The following MPP7 variants were observed in gnomAD, a reference collection of about 807,000 sequenced individuals.
The protein encoded by MPP7 is MAGUK p55 scaffold protein 7.
MPP7 carries 60 observed loss-of-function variants against 76.5 expected under a neutral mutation model. That is an observed-to-expected ratio of 0.78 (90% CI 0.64 to 0.97). The LOEUF (loss-of-function observed/expected upper bound fraction) is 0.97. MPP7 is among the 50% of genes least tolerant of loss of function. The pLI is 0.00. For synonymous variants in MPP7, 237 were observed against 244.5 expected (o/e 0.97, Z 0.29); for missense variants, 641 against 694.0 (o/e 0.92, Z 0.86).
chr10:28,172,954 G>A (rs1836733788), intron 3 of MPP7, among the ~76,000 whole-genome samples: 1 of 152,094 alleles, frequency 6.6e-6, no homozygotes, highest in Admixed American at 6.6e-5. Flanking sequence ...TGCTTCATGT[G>A]GACTGACCCC....
At chr10:28,284,710 A>C (rs1160363237) in intron 1 of MPP7, among the ~76,000 whole-genome samples, 2 of 152,248 alleles carry the variant, frequency 1.3e-5, no homozygotes, top group African/African-American at 2.4e-5. Context: ...CCATGGAATG[A>C]TTGTAACAAA....
chr10:28,136,533 T>C (rs1214672936), intron 5 of MPP7, among the ~76,000 whole-genome samples: 1 of 152,068 alleles, frequency 6.6e-6, no homozygotes, highest in Non-Finnish European at 1.5e-5. Flanking sequence ...ATTACACAGA[T>C]GATAAACTGG....
intron 4 of MPP7, among the ~76,000 whole-genome samples, chr10:28,149,472 A>T (rs1189220806): frequency 6.6e-6 from 1 of 152,220 alleles, no homozygotes; most frequent in African/African-American, 2.4e-5. Context: ...TTTTTTGGTT[A>T]TGAAGGTAAT....
Position 28,057,816 on chromosome 10 carries a change from G to T in MPP7, c.1407+679C>A, listed in dbSNP as rs575796796. ...GCATTTGGAGGTTTTGCACCCCAGG[G>T]TACAGCCATCAGTGGAAGGAGAAAC... On this transcript the variant is annotated intron_variant, in intron 15 of 16. Transcript: ENST00000683449. 12 of 1,280,320 alleles carry T rather than the reference G, an allele frequency of 9.4e-6. No homozygotes were observed. In the South Asian group the frequency reaches 1.1e-4, roughly 12 times the overall value. The allele number at this position is 1,280,320 out of a possible 1,614,324, so 79.3% of individuals were successfully genotyped here. A position where few individuals can be genotyped will look rare whatever the true frequency, so the allele number is the denominator to read the frequency against.
At chr10:28,319,916 C>T (rs1430713117) in intron 2 of MPP7, among the ~76,000 whole-genome samples, 3 of 151,992 alleles carry the variant, frequency 2.0e-5, no homozygotes, top group Non-Finnish European at 4.4e-5. Context: ...GCAGAAGTTG[C>T]AGTGGGCTGA....
chr10:28,287,464 A>G (rs762597899), intron 1 of MPP7, among the ~76,000 whole-genome samples: 6 of 152,236 alleles, frequency 3.9e-5, no homozygotes, highest in Non-Finnish European at 7.3e-5. Context: ...ATATGGAGCC[A>G]TATGAGTGAA....
chr10:28,187,349 T>A (rs2133932565), intron 3 of MPP7, among the ~76,000 whole-genome samples: 1 of 152,344 alleles, frequency 6.6e-6, no homozygotes, highest in South Asian at 2.1e-4. Context: ...TTTACATGTT[T>A]CTGTGCCTGA....
chr10:28,103,735 C>G (rs929752082), intron 11 of MPP7, among the ~76,000 whole-genome samples: 2 of 126,718 alleles, frequency 1.6e-5, no homozygotes, highest in Admixed American at 8.1e-5. Flanking sequence ...ATGTAAAAGG[C>G]ACTCAAAAAT....
chr10:28,118,804 A>G (rs1834737839), intron 11 of MPP7: 11 of 985,448 alleles, frequency 1.1e-5, no homozygotes, highest in Non-Finnish European at 1.3e-5. Flanking sequence ...ATGCTTCTGC[A>G]AACTGACAGA....
At position 28,328,705 on chromosome 10, in the gene MPP7, C is replaced by G. The variant is rs1017503965; in HGVS notation, c.-132+1224G>C. Among the ~76,000 whole-genome samples the G allele has an allele frequency of 2.6e-5, 4 of 151,464 alleles. No homozygotes were observed. In the East Asian group the frequency reaches 5.8e-4, roughly 22 times the overall value. The stretch of plus-strand genomic sequence containing the variant: ...TATTGATTCATGTTTTCTTCTAATA[C>G]CTTTTAGTTATATTTGCAGCGTTTA... On this transcript the variant is annotated intron_variant, in intron 2 of 11. Coordinates refer to the MPP7 transcript ENST00000441595.
At chr10:28,110,253 C>T (rs1834466707) in intron 11 of MPP7, among the ~76,000 whole-genome samples, 1 of 152,100 alleles carries the variant, frequency 6.6e-6, no homozygotes, top group African/African-American at 2.4e-5. Flanking sequence ...CCACACCCGG[C>T]TAATTTTTGT....
chr10:28,140,395 C>T (rs1383899429), intron 5 of MPP7, among the ~76,000 whole-genome samples: 1 of 152,104 alleles, frequency 6.6e-6, no homozygotes. Flanking sequence ...CCTGTAATCC[C>T]AGCTACTTGG....
At chr10:28,301,386 C>G (rs1350709543) in intron 1 of MPP7, among the ~76,000 whole-genome samples, 4 of 152,172 alleles carry the variant, frequency 2.6e-5, no homozygotes, top group Non-Finnish European at 5.9e-5. Flanking sequence ...ACACAGCATT[C>G]CTAACTTTTG....
At chr10:28,205,550 A>T (rs987666492) in intron 2 of MPP7, among the ~76,000 whole-genome samples, 10 of 152,178 alleles carry the variant, frequency 6.6e-5, no homozygotes, top group Admixed American at 3.9e-4. Context: ...TGATTCCAGT[A>T]AACAGTTATG....
chr10:28,099,289 T>G (rs1428129653), intron 11 of MPP7, among the ~76,000 whole-genome samples: 1 of 152,222 alleles, frequency 6.6e-6, no homozygotes, highest in Non-Finnish European at 1.5e-5. Context: ...TACTACTACG[T>G]TACCACCTGT....
chr10:28,171,072 T>C (rs887559145), intron 3 of MPP7, among the ~76,000 whole-genome samples: 4 of 152,202 alleles, frequency 2.6e-5, no homozygotes, highest in African/African-American at 9.7e-5. Context: ...AATGTCACAC[T>C]ACATCCAAAA....
chr10:28,182,658 T>C (rs1447898171), intron 3 of MPP7, among the ~76,000 whole-genome samples: 5 of 152,200 alleles, frequency 3.3e-5, no homozygotes, highest in Non-Finnish European at 7.3e-5. Flanking sequence ...CAAATATTCA[T>C]CAACATGAGA....
In MPP7 at chr10:28,057,900, G is replaced by A. The variant is rs1851626566; in HGVS notation, c.1407+595C>T. The A allele has an allele frequency of 1.4e-5, 16 of 1,183,536 alleles. No individual in the cohort carries two copies. In the South Asian group the frequency reaches 2.3e-4, roughly 17 times the overall value. 73.3% of individuals were successfully genotyped at this position (1,183,536 alleles called of 1,614,324 possible). A position where few individuals can be genotyped will look rare whatever the true frequency, so the allele number is the denominator to read the frequency against. ...GCTGGGGATCTGCTGGAAGATGTAT[G>A]GTTTGATAGGGAATTGAATGGCCTC... On this transcript the variant is annotated intron_variant, in intron 15 of 16. Coordinates refer to ENST00000683449, the MANE Select transcript of MPP7 (RefSeq NM_001318170.2).
At chr10:28,305,734 A>T (rs758964874), upstream of MPP7, 1 of 152,216 alleles carries the variant, frequency 6.6e-6, no homozygotes, top group Non-Finnish European at 1.5e-5. Context: ...GCCATTGCAT[A>T]ACCAGTCAAC....
Sources: allele counts gnomAD v4.1 joint callset (sites outside exome capture counted in the v4.1 genomes callset), GRCh38; gene constraint gnomAD v4.1.1; transcripts MANE v1.5; gene names NCBI Gene and HGNC (gene_info 2026-07-23, HGNC 2026-07-21).